The following TET2 variants were observed in gnomAD, a reference collection of about 807,000 sequenced individuals.
TET2 encodes the protein tet methylcytosine dioxygenase 2, also known as methylcytosine dioxygenase TET2.
In TET2, 299 loss-of-function variants were observed where a neutral mutation model predicts 142.9. The ratio of observed to expected loss-of-function variants is 2.09; its 90% CI spans 1.90 to 2.30. TET2 has a LOEUF of 2.30. Ranked by LOEUF, TET2 falls within the 30% of genes most tolerant of loss-of-function variation. The pLI is 0.00. For synonymous variants in TET2, 819 were observed against 849.0 expected, an observed-to-expected ratio of 0.96 and a Z score of 0.61; for missense variants, 2,418 against 2,378.0, an observed-to-expected ratio of 1.02 and a Z score of -0.35.
chr4:105,216,060 A>G (rs1234804449), intron 2 of TET2, among the ~76,000 whole-genome samples: 1 of 152,146 alleles, frequency 6.6e-6, no homozygotes. Context: ...TTCAGCTTCA[A>G]AATATTTTAT....
chr4:105,205,072 T>C (rs1361435062), intron 2 of TET2, among the ~76,000 whole-genome samples: 4 of 152,204 alleles, frequency 2.6e-5, no homozygotes, highest in Admixed American at 6.5e-5. Flanking sequence ...ACTCTAGTTA[T>C]ACTATAGCTA....
At chr4:105,259,559 C>T (rs1461268934) in intron 6 of TET2, 60 bp from the exon 7 acceptor site, 1 of 1,482,496 alleles carries the variant, frequency 6.7e-7, no homozygotes, top group African/African-American at 1.4e-5. Context: ...CCTATAATAT[C>T]AGCTGCACAG....
intron 6 of TET2, among the ~76,000 whole-genome samples, chr4:105,249,539 G>A (rs1283903057): frequency 6.6e-6 from 1 of 152,136 alleles, no homozygotes; most frequent in Non-Finnish European, 1.5e-5. Flanking sequence ...TTCCAAAGTA[G>A]CTTTATGCTT....
intron 1 of TET2, among the ~76,000 whole-genome samples, chr4:105,176,887 A>C (rs1724830405): frequency 6.6e-6 from 1 of 152,190 alleles, no homozygotes; most frequent in Non-Finnish European, 1.5e-5. Context: ...TCAGATAATC[A>C]ATGTAGTGGG....
intron 2 of TET2, among the ~76,000 whole-genome samples, chr4:105,218,478 C>T (rs1034346879): frequency 2.6e-5 from 4 of 152,106 alleles, no homozygotes; most frequent in African/African-American, 7.2e-5. Context: ...GTAAAAATTA[C>T]ACCCTTCAAA....
intron 1 of TET2, among the ~76,000 whole-genome samples, chr4:105,180,931 A>T (rs1311314854): frequency 1.3e-5 from 2 of 152,124 alleles, no homozygotes; most frequent in Non-Finnish European, 2.9e-5. Context: ...GAGGCACTGC[A>T]TCTGGCCCTT....
intron 7 of TET2, among the ~76,000 whole-genome samples, chr4:105,260,016 A>C (rs1420605213): frequency 1.3e-5 from 2 of 152,150 alleles, no homozygotes; most frequent in African/African-American, 4.8e-5. Context: ...AAGGGGTGTC[A>C]CTTCATTGTT....
intron 1 of TET2, among the ~76,000 whole-genome samples, chr4:105,160,576 A>C (rs1402095044): frequency 6.6e-6 from 1 of 152,234 alleles, no homozygotes; most frequent in African/African-American, 2.4e-5. Flanking sequence ...ATTTATAGTA[A>C]TTGAAAAGTT....
At chr4:105,262,387 G>A (rs1730484135) in intron 8 of TET2, among the ~76,000 whole-genome samples, 1 of 151,336 alleles carries the variant, frequency 6.6e-6, no homozygotes, top group South Asian at 2.1e-4. Flanking sequence ...TATTTTACAT[G>A]TGTATTCTAA....
chr4:105,164,666 G>A (rs1462499768), intron 1 of TET2, among the ~76,000 whole-genome samples: 3 of 152,150 alleles, frequency 2.0e-5, no homozygotes, highest in South Asian at 2.1e-4. Flanking sequence ...GGTCAGTTGA[G>A]GAATTTCCCA....
At chr4:105,148,653 G>A (rs1723153432) in intron 1 of TET2, among the ~76,000 whole-genome samples, 1 of 152,098 alleles carries the variant, frequency 6.6e-6, no homozygotes, top group Non-Finnish European at 1.5e-5. Context: ...AATACTAAGG[G>A]GAGTTATGTT....
At chr4:105,175,209 A>G (rs938284505) in intron 1 of TET2, among the ~76,000 whole-genome samples, 21 of 152,192 alleles carry the variant, frequency 1.4e-4, no homozygotes, top group African/African-American at 5.1e-4. Flanking sequence ...AAGGCAGGAA[A>G]TGCAGTTTGA....
At chr4:105,273,122 T>A (rs1469518618) in intron 10 of TET2, among the ~76,000 whole-genome samples, 1 of 152,210 alleles carries the variant, frequency 6.6e-6, no homozygotes, top group Non-Finnish European at 1.5e-5. Context: ...AGCATCTTCC[T>A]GATGCACCCC....
intron 1 of TET2, among the ~76,000 whole-genome samples, chr4:105,167,118 T>C (rs1395471606): frequency 1.3e-5 from 2 of 152,114 alleles, no homozygotes; most frequent in African/African-American, 4.8e-5. Context: ...TTCCATCACA[T>C]ATTTTTCATC....
intron 2 of TET2, 60 bp from the exon 3 acceptor site, chr4:105,233,833 TATAG>T (rs58201766): frequency 2.0e-4 from 160 of 796,114 alleles, no homozygotes; most frequent in African/African-American, 1.8e-3. Context: ...TTAGTATTTT[TATAG>T]ATAGATAGAT....
intron 6 of TET2, among the ~76,000 whole-genome samples, chr4:105,255,801 A>G (rs767272500): frequency 3.9e-5 from 6 of 152,042 alleles, no homozygotes; most frequent in Non-Finnish European, 8.8e-5. Flanking sequence ...TATACATTTA[A>G]CATAATTATT....
intron 1 of TET2, among the ~76,000 whole-genome samples, chr4:105,185,875 T>C (rs1397959031): frequency 6.6e-6 from 1 of 152,122 alleles, no homozygotes; most frequent in Non-Finnish European, 1.5e-5. Context: ...TGTTTAGGAA[T>C]GATATTATGC....
At chr4:105,182,742 A>T (rs959588834) in intron 1 of TET2, among the ~76,000 whole-genome samples, 1 of 152,204 alleles carries the variant, frequency 6.6e-6, no homozygotes, top group Non-Finnish European at 1.5e-5. Context: ...ATAGTGACTG[A>T]TCAAATGTCA....
chr4:105,275,466 G>A lies in TET2; in HGVS notation c.4956G>A (p.Gln1652=). 7.1e-6 allele frequency: 11 copies of A among 1,551,680 alleles called. No homozygotes were observed. The highest frequency in any genetic ancestry group is 2.4e-5 in the East Asian group (1 of 40,922). Residue 1652 remains glutamine (Q), a synonymous_variant, in exon 11 of 11, where the codon CAG becomes CAA. Transcript: ENST00000380013. ...CATATCTGGGTTCCTATTCTCCCCA[G>A]TCTCAGCCGATGGATCTGTATAGGT... ...CSPYLGSYSP[Q]SQPMDLYRYP...
Sources: allele counts gnomAD v4.1 joint callset (sites outside exome capture counted in the v4.1 genomes callset), GRCh38; gene constraint gnomAD v4.1.1; transcripts MANE v1.5; gene names NCBI Gene and HGNC (gene_info 2026-07-23, HGNC 2026-07-21).